Variants in HELZ observed in about 807,000 individuals in gnomAD.
HELZ encodes the protein ATP-dependent RNA helicase with zinc finger domain.
HELZ carries 23 observed loss-of-function variants against 218.2 expected under a neutral mutation model. The ratio of observed to expected loss-of-function variants is 0.11; its 90% CI spans 0.08 to 0.15. The LOEUF (loss-of-function observed/expected upper bound fraction) is 0.15, where lower values mean the gene tolerates loss of function less well. Ranked by LOEUF, HELZ falls within the 10% of genes least tolerant of loss-of-function variation. The pLI, the probability that HELZ is intolerant of heterozygous loss-of-function variation, is 1.00. For missense variants in HELZ, 1,813 were observed against 2,353.7 expected, an observed-to-expected ratio of 0.77 and a Z score of 4.75; for synonymous variants, 814 against 829.4, an observed-to-expected ratio of 0.98 and a Z score of 0.32.
intron 32 of HELZ, among the ~76,000 whole-genome samples, chr17:67,084,151 C>T (rs899805867): frequency 6.6e-6 from 1 of 152,120 alleles, no homozygotes; most frequent in African/African-American, 2.4e-5. Flanking sequence ...CTTCAGGACA[C>T]TCGTGATTTG....
At chr17:67,228,954 G>A (rs2040965324) in intron 3 of HELZ, among the ~76,000 whole-genome samples, 1 of 152,036 alleles carries the variant, frequency 6.6e-6, no homozygotes. Context: ...CCAACCTCAG[G>A]TGATCCGCCC....
At chr17:67,168,045 C>T (rs900333098) in intron 13 of HELZ, among the ~76,000 whole-genome samples, 1 of 151,966 alleles carries the variant, frequency 6.6e-6, no homozygotes, top group Non-Finnish European at 1.5e-5. Context: ...TACAGTGGCA[C>T]GATCTTGGCT....
In HELZ at chr17:67,195,470, T is replaced by C. The variant is rs1327457119; in HGVS notation, c.430A>G (p.Thr144Ala). The change falls in exon 8 of 33, where the codon ACA (threonine) becomes GCA (alanine). Residue 144 changes from threonine (T) to alanine (A), a missense_variant and splice_region_variant. Around this residue, in one of 4 missense-constraint regions of HELZ, gnomAD observed 714 missense variants for 1,029.2 expected, o/e 0.69. Coordinates refer to ENST00000358691, the MANE Select transcript of HELZ (RefSeq NM_014877.4). Reference sequence around the variant, plus strand: ...CCAGAGAGGGCGTTACTAGTTGCTGTCTGCAATTTTCCAAATGAAAGAATT... The same window carrying C: ...CCAGAGAGGGCGTTACTAGTTGCTGCCTGCAATTTTCCAAATGAAAGAATT... ...RLKTLLSETE[T>A]ATSNALSGYH... is the part of the protein sequence containing the mutation. 1.3e-6 allele frequency: 2 copies of C among 1,590,050 alleles called. No individual in the cohort carries two copies. Among genetic ancestry groups the C allele is most frequent in the Non-Finnish European group, 1.7e-6 (2 of 1,158,908 alleles).
intron 26 of HELZ, 132 bp from the exon 27 acceptor site, chr17:67,120,744 CAAAAT>C (rs2037585437): frequency 3.1e-6 from 2 of 644,834 alleles, no homozygotes; most frequent in Non-Finnish European, 5.4e-6. Context: ...TTAATTTTCT[CAAAAT>C]AAATAACTAC....
At chr17:67,081,087 G>T (rs1375260669) in intron 32 of HELZ, among the ~76,000 whole-genome samples, 1 of 152,204 alleles carries the variant, frequency 6.6e-6, no homozygotes, top group Admixed American at 6.5e-5. Context: ...CTAGCTTGAA[G>T]ATAAGCCACT....
chr17:67,199,210 C>CTTT (rs1156398239), intron 7 of HELZ, among the ~76,000 whole-genome samples: 1,542 of 122,932 alleles, frequency 0.013, 49 homozygotes, highest in Non-Finnish European at 0.02. Flanking sequence ...TTTGCCATTA[C>CTTT]TTTTTTTTTT....
intron 27 of HELZ, among the ~76,000 whole-genome samples, chr17:67,116,926 G>C (rs367785996): frequency 1.9e-4 from 29 of 151,968 alleles, no homozygotes; most frequent in Admixed American, 1.9e-3. Flanking sequence ...CATGAATCTC[G>C]GCTCACTGCA....
intron 28 of HELZ, among the ~76,000 whole-genome samples, chr17:67,113,023 A>G (rs568686355): frequency 4.6e-5 from 7 of 152,310 alleles, no homozygotes; most frequent in Middle Eastern, 3.4e-3. Context: ...AATGTAGACT[A>G]TGTGGATTAA....
intron 16 of HELZ, 36 bp downstream of exon 16, chr17:67,160,861 A>G: frequency 6.7e-7 from 1 of 1,482,908 alleles, no homozygotes; most frequent in Non-Finnish European, 9.1e-7. Flanking sequence ...GTAGTATCCT[A>G]CCAGGGAAAT....
chr17:67,130,329 G>A (rs9913926), intron 23 of HELZ, among the ~76,000 whole-genome samples: 13,047 of 150,998 alleles, frequency 0.086, 1,788 homozygotes, highest in African/African-American at 0.29. Flanking sequence ...TAAAGCTGTC[G>A]AAAAAAGAAT....
At chr17:67,163,054 GT>G (rs778882050) in intron 15 of HELZ, among the ~76,000 whole-genome samples, 2 of 152,068 alleles carry the variant, frequency 1.3e-5, no homozygotes, top group African/African-American at 2.4e-5. Context: ...GCCCCCAATG[GT>G]TCCTTTATCT....
chr17:67,169,034 G>GT (rs1200998052), intron 13 of HELZ, among the ~76,000 whole-genome samples: 4 of 152,060 alleles, frequency 2.6e-5, no homozygotes, highest in Admixed American at 1.3e-4. Flanking sequence ...GGAGGTTGCA[G>GT]TAAGCCAATT....
At chr17:67,169,576 C>T (rs1182188928) in intron 13 of HELZ, among the ~76,000 whole-genome samples, 1 of 152,174 alleles carries the variant, frequency 6.6e-6, no homozygotes, top group Non-Finnish European at 1.5e-5. Flanking sequence ...TTAATACTGT[C>T]CCAATGGCAA....
chr17:67,140,209 C>T (rs143501897), intron 21 of HELZ, among the ~76,000 whole-genome samples: 2 of 152,316 alleles, frequency 1.3e-5, no homozygotes, highest in Non-Finnish European at 2.9e-5. Flanking sequence ...TACACACAAA[C>T]ATACAGCATA....
At chr17:67,086,615 A>C (rs1285070372) in intron 32 of HELZ, among the ~76,000 whole-genome samples, 1 of 100,212 alleles carries the variant, frequency 1.0e-5, no homozygotes, top group Non-Finnish European at 1.9e-5. Context: ...TATATATATA[A>C]ATAAATATAA....
At chr17:67,165,581 G>A (rs1384711619) in intron 15 of HELZ, among the ~76,000 whole-genome samples, 1 of 152,192 alleles carries the variant, frequency 6.6e-6, no homozygotes, top group African/African-American at 2.4e-5. Context: ...CAAAGGTGTT[G>A]TGAGTTGAGC....
Position 67,128,721 on chromosome 17 carries a change from T to G in HELZ, c.3317A>C (p.Glu1106Ala). 1 of 1,614,188 alleles carries G rather than the reference T, an allele frequency of 6.2e-7. No individual in the cohort carries two copies. Among genetic ancestry groups the G allele is most frequent in the Non-Finnish European group, 8.5e-7 (1 of 1,180,030 alleles). Residue 1106 changes from glutamate (E) to alanine (A), a missense_variant, in exon 24 of 33, where the codon GAA (glutamate) becomes GCA (alanine). By Grantham distance (107) the Glu-to-Ala change is moderately radical. Around this residue, in one of 4 missense-constraint regions of HELZ, gnomAD observed 156 missense variants for 274.4 expected, o/e 0.57. Coordinates refer to ENST00000358691, the MANE Select transcript of HELZ (RefSeq NM_014877.4). ...CAGTCTTAGAGCCCGGGGGATAAAT[T>G]CAGGTGCCAGCGGATTCAACACATA... ...KTYVLNPLAP[E>A]FIPRALRLQH...
intron 20 of HELZ, among the ~76,000 whole-genome samples, chr17:67,148,148 A>AG (rs1162784292): frequency 6.6e-6 from 1 of 152,066 alleles, no homozygotes; most frequent in African/African-American, 2.4e-5. Flanking sequence ...GGGGGCCGGG[A>AG]GGGGGGCAGT....
At chr17:67,080,132 C>T (rs1486425204) in intron 32 of HELZ, among the ~76,000 whole-genome samples, 1 of 152,120 alleles carries the variant, frequency 6.6e-6, no homozygotes, top group African/African-American at 2.4e-5. Context: ...AATCTATCTG[C>T]AATTTATTTT....
Sources: gnomAD v4.1 joint callset for allele counts (sites outside exome capture counted in the v4.1 genomes callset) on GRCh38, gnomAD v4.1.1 for gene constraint, gnomAD v4.1.1 regional missense constraint, MANE v1.5 for transcripts, NCBI Gene and HGNC (gene_info 2026-07-23, HGNC 2026-07-21) for gene names.